The following CCDC61 variants were observed in gnomAD, a reference collection of about 807,000 sequenced individuals.
CCDC61 encodes centrosomal protein CCDC61.
A neutral mutation model predicts 63.0 loss-of-function variants in CCDC61; 55 were observed. That is an observed-to-expected ratio of 0.87 (90% confidence interval 0.70 to 1.09). The LOEUF is 1.09. Among genes scored for constraint, CCDC61 ranks in the 50% least tolerant of loss-of-function variants. The pLI is 0.00. For synonymous variants in CCDC61, 270 were observed against 317.0 expected, an observed-to-expected ratio of 0.85 and a Z score of 1.58; for missense variants, 651 against 731.4, an observed-to-expected ratio of 0.89 and a Z score of 1.27.
Position 46,006,606 on chromosome 19 carries a change from G to A in CCDC61, c.279G>A (p.Glu93=). The A allele has an allele frequency of 6.2e-7, 1 of 1,613,548 alleles. No homozygotes were observed. The highest frequency in any genetic ancestry group is 8.5e-7 in the Non-Finnish European group (1 of 1,179,676). The stretch of plus-strand genomic sequence containing the variant: ...ACCTGCTGACCTACACAGACCTGGA[G>A]TCCCTGCGGAACCGCAAGATGGGGG... ...TLDLLTYTDL[E]SLRNRKMGGR... Residue 93 remains glutamate, a synonymous_variant, in exon 4 of 14, where the codon GAG becomes GAA. Coordinates refer to ENST00000595358, the MANE Select transcript of CCDC61 (RefSeq NM_001267723.2).
chr19:46,003,522 TTGGGG>T, intron 3 of CCDC61, 21 bp downstream of exon 3: 2 of 1,539,500 alleles, frequency 1.3e-6, no homozygotes, highest in Non-Finnish European at 1.8e-6. Flanking sequence ...GGTTGGCGGG[TTGGGG>T]TGGGAGGGGG....
chr19:46,014,010 T>A (rs1435566366), intron 5 of CCDC61, among the ~76,000 whole-genome samples: 1 of 152,216 alleles, frequency 6.6e-6, no homozygotes, highest in Non-Finnish European at 1.5e-5. Context: ...TTTGGGCCAG[T>A]TTCTTTTAAA....
chr19:46,004,099 C>T (rs145277121), intron 3 of CCDC61, among the ~76,000 whole-genome samples: 2,480 of 151,818 alleles, frequency 0.016, 76 homozygotes, highest in African/African-American at 0.055. Context: ...CCACCATGCC[C>T]GGCTAATTTT....
At chr19:46,006,773 T>A in intron 4 of CCDC61, 57 bp downstream of exon 4, 1 of 1,504,718 alleles carries the variant, frequency 6.6e-7, no homozygotes, top group Non-Finnish European at 9.0e-7. Context: ...GGAGAGGATG[T>A]GGGTAGGCCT....
chr19:46,006,444 A>T lies in CCDC61; in HGVS notation c.232-115A>T, dbSNP rs1207058985. 27 of 1,009,462 alleles carry T rather than the reference A, an allele frequency of 2.7e-5. No individual in the cohort carries two copies. In the East Asian group the frequency reaches 6.5e-4, roughly 24 times the overall value. The allele number at this position is 1,009,462 out of a possible 1,614,324, so 62.5% of individuals were successfully genotyped here. A position where few individuals can be genotyped will look rare whatever the true frequency, so the allele number is the denominator to read the frequency against. On this transcript the variant is annotated intron_variant, in intron 3 of 13. Coordinates refer to ENST00000595358, the MANE Select transcript of CCDC61 (RefSeq NM_001267723.2). Reference sequence around the variant, plus strand: ...CCATGTTGATTGCCAGCCTTCGCGTAGGAAAGCCTAGCCCGCCTAGAGAAC... The same window carrying T: ...CCATGTTGATTGCCAGCCTTCGCGTTGGAAAGCCTAGCCCGCCTAGAGAAC...
chr19:46,015,940 C>A lies in CCDC61; in HGVS notation c.846-114C>A. ...GGGTCATGGGCCCAGGAGTGCACGTCTAGGAGTTGATGGGGTAGGCCTGAG... is the reference window on the plus strand; with the variant it reads ...GGGTCATGGGCCCAGGAGTGCACGTATAGGAGTTGATGGGGTAGGCCTGAG... On this transcript the variant is annotated intron_variant, in intron 7 of 13. Transcript: ENST00000595358. The surrounding 1 kb of genome is among the most constrained non-coding windows in gnomAD (Gnocchi z 5.3). 2.2e-6 allele frequency: 2 copies of A among 924,160 alleles called. No individual in the cohort carries two copies. The highest frequency in any genetic ancestry group is 2.8e-6 in the Non-Finnish European group (2 of 710,074). 57.2% of individuals were successfully genotyped at this position (924,160 alleles called of 1,614,324 possible). A position where few individuals can be genotyped will look rare whatever the true frequency, so the allele number is the denominator to read the frequency against.
chr19:46,005,829 G>A (rs1279802189), intron 3 of CCDC61, among the ~76,000 whole-genome samples: 11 of 149,582 alleles, frequency 7.4e-5, no homozygotes, highest in South Asian at 2.3e-4. Flanking sequence ...TCTATGAAAA[G>A]TGGCTAATTT....
At chr19:45,999,815 C>T (rs998046465) in intron 1 of CCDC61, among the ~76,000 whole-genome samples, 1 of 151,886 alleles carries the variant, frequency 6.6e-6, no homozygotes, top group African/African-American at 2.4e-5. Flanking sequence ...TCATGAGGCC[C>T]GAGAAGTGGG....
At chr19:45,998,668 G>T (rs1968536811) in intron 1 of CCDC61, among the ~76,000 whole-genome samples, 1 of 152,204 alleles carries the variant, frequency 6.6e-6, no homozygotes, top group Non-Finnish European at 1.5e-5. Context: ...GCCCTCACGG[G>T]CTCCTGGTCT....
At chr19:45,999,682 T>G (rs931256265) in intron 1 of CCDC61, among the ~76,000 whole-genome samples, 2 of 151,818 alleles carry the variant, frequency 1.3e-5, no homozygotes, top group Non-Finnish European at 2.9e-5. Context: ...GGAGAGCCAT[T>G]TGGAAGGTGG....
At position 46,016,160 on chromosome 19, in the gene CCDC61, C is replaced by T. The variant is rs1968928818; in HGVS notation, c.952C>T (p.Arg318Trp). 1 of 1,299,194 alleles carries T rather than the reference C, an allele frequency of 7.7e-7. No individual in the cohort carries two copies. 80.5% of individuals were successfully genotyped at this position (1,299,194 alleles called of 1,614,324 possible). A position where few individuals can be genotyped will look rare whatever the true frequency, so the allele number is the denominator to read the frequency against. Residue 318 changes from arginine (R) to tryptophan (W), a missense_variant, in exon 8 of 14, where the codon CGG becomes TGG. Arg to Trp is a moderately radical substitution (Grantham distance 101). Coordinates refer to ENST00000595358, the MANE Select transcript of CCDC61 (RefSeq NM_001267723.2). The surrounding 1 kb of genome is among the most constrained non-coding windows in gnomAD (Gnocchi z 7.2). Reference protein sequence around the residue: ...RGRGAARSSSRESGRGSRGRG... With the variant: ...RGRGAARSSSWESGRGSRGRG... ...CCGCGGCGCCGCGCGCTCCTCATCC[C>T]GGGAGAGCGGCCGCGGGAGCCGGGG...
intron 2 of CCDC61, 83 bp from the exon 3 acceptor site, chr19:46,003,336 G>A (rs758320032): frequency 1.2e-5 from 18 of 1,458,082 alleles, no homozygotes; most frequent in East Asian, 2.4e-5. Context: ...CACTGGAGTC[G>A]GGTAGAATTG....
rs1001639031 is a variant in CCDC61, at chr19:46,012,329, C to T, written c.552-2720C>T. Among the ~76,000 whole-genome samples, 13 of 152,326 alleles carry T rather than the reference C, an allele frequency of 8.5e-5. No homozygotes were observed. The East Asian group carries it at 1.3e-3, about 16-fold the overall frequency. On this transcript the variant is annotated intron_variant, in intron 5 of 13. Coordinates refer to ENST00000595358, the MANE Select transcript of CCDC61 (RefSeq NM_001267723.2). Reference sequence around the variant, plus strand: ...GTTTCACAAATTATCATAAAGCCAGCGTACATGTAACAACTACCCAGGTTA... The same window carrying T: ...GTTTCACAAATTATCATAAAGCCAGTGTACATGTAACAACTACCCAGGTTA...
In CCDC61 at chr19:46,015,568, G is replaced by A. The variant is rs1441284845; in HGVS notation, c.845+141G>A. On this transcript the variant is annotated intron_variant, in intron 7 of 13. Transcript: ENST00000595358. The surrounding 1 kb of genome is among the most constrained non-coding windows in gnomAD (Gnocchi z 5.3). ...GCTGAAGGGGAGGCGGGGCTTAGCG[G>A]ACCCCGTCTGGAGTCCAGACAGGAT... 5.2e-6 allele frequency: 4 copies of A among 765,844 alleles called. No homozygotes were observed. The East Asian group carries it at 8.7e-5, about 17-fold the overall frequency. 47.4% of individuals were successfully genotyped at this position (765,844 alleles called of 1,614,324 possible).
Position 46,004,041 on chromosome 19 carries a change from C to T in CCDC61, c.231+540C>T, listed in dbSNP as rs902700868. 5.9e-5 allele frequency among the ~76,000 whole-genome samples: 9 copies of T among 151,778 alleles called. 1 individual carries two copies. The highest frequency in any genetic ancestry group is 2.1e-4 in the South Asian group (1 of 4,808). ...GCAACCTCCGCCTCCCAGGTTCAAG[C>T]GATTCTCCTGCCTCAGCCTCCTGAG... On this transcript the variant is annotated intron_variant, in intron 3 of 13. Transcript: ENST00000595358.
chr19:46,003,484 G>A lies in CCDC61; in HGVS notation c.214G>A (p.Glu72Lys), dbSNP rs776196077. Residue 72 changes from glutamate to lysine, a missense_variant, in exon 3 of 14, where the codon GAG becomes AAG. Glu to Lys is a moderately conservative substitution (Grantham distance 56). Transcript: ENST00000595358. ...GTTCAACATCTTCTGTCATATGCTG[G>A]AGTCAGCCCTCACTCAGGTAGGGCC... ...KQFNIFCHML[E>K]SALTQSSESV... 16 of 1,598,302 alleles carry A rather than the reference G, an allele frequency of 1.0e-5. No individual in the cohort carries two copies. Among genetic ancestry groups the A allele is most frequent in the Non-Finnish European group, 1.4e-5 (16 of 1,170,754 alleles).
At chr19:46,017,960 T>C (rs1390235836) in intron 12 of CCDC61, 118 bp from the exon 13 acceptor site, 7 of 795,944 alleles carry the variant, frequency 8.8e-6, no homozygotes, top group Non-Finnish European at 1.4e-5. Context: ...GAATGGCCAG[T>C]AGGTGTCAGG....
intron 1 of CCDC61, among the ~76,000 whole-genome samples, chr19:45,999,537 G>A (rs116260988): frequency 3.5e-4 from 53 of 152,196 alleles, no homozygotes; most frequent in African/African-American, 1.0e-3. Context: ...CATCAGGTGT[G>A]GGCTGCCAAG....
At chr19:46,006,775 G>T in intron 4 of CCDC61, 59 bp downstream of exon 4, 6 of 1,504,716 alleles carry the variant, frequency 4.0e-6, no homozygotes, top group South Asian at 1.3e-5. Context: ...AGAGGATGTG[G>T]GTAGGCCTTA....
Sources: gnomAD v4.1 joint callset for allele counts (sites outside exome capture counted in the v4.1 genomes callset) on GRCh38, gnomAD v4.1.1 for gene constraint, Gnocchi (gnomAD v3.1) non-coding constraint, MANE v1.5 for transcripts, NCBI Gene and HGNC (gene_info 2026-07-23, HGNC 2026-07-21) for gene names.